UNC5C: variants seen among roughly 807,000 people sequenced by gnomAD.
UNC5C encodes netrin receptor UNC5C.
UNC5C carries 47 observed loss-of-function variants against 99.8 expected under a neutral mutation model. The observed-to-expected ratio is 0.47, with a 90% CI of 0.37 to 0.60. The LOEUF is 0.60. Ranked by LOEUF, UNC5C falls within the 20% of genes least tolerant of loss-of-function variation. The probability of loss-of-function intolerance (pLI) is 0.00; values close to 1 mark genes in which losing one functional copy is unlikely to be tolerated. For missense variants in UNC5C, 1,062 were observed against 1,165.9 expected (o/e 0.91, Z 1.30); for synonymous variants, 487 against 452.2 (o/e 1.08, Z -0.98).
chr4:95,443,170 G>T (rs1351049621), intron 1 of UNC5C, among the ~76,000 whole-genome samples: 2 of 152,142 alleles, frequency 1.3e-5, no homozygotes, highest in Non-Finnish European at 2.9e-5. Context: ...GGCTGGATAT[G>T]GCAAGCAGGT....
At chr4:95,388,453 T>G (rs1745269361) in intron 1 of UNC5C, among the ~76,000 whole-genome samples, 2 of 152,198 alleles carry the variant, frequency 1.3e-5, no homozygotes, top group Non-Finnish European at 2.9e-5. Flanking sequence ...GTAAAGATTT[T>G]GCACCCTAAT....
rs904960966 is a variant in UNC5C at position 95,248,302 on chromosome 4, A to G, written c.775+2185T>C. On this transcript the variant is annotated intron_variant, in intron 5 of 15. Coordinates refer to ENST00000453304, the MANE Select transcript of UNC5C (RefSeq NM_003728.4). ...TAAATTTACTTAATATAACTTTTAC[A>G]TGGCCTAAGAAAATGAAGACCCAAA... The G allele has an allele frequency of 1.1e-4, 29 of 260,400 alleles. No individual in the cohort carries two copies. The Admixed American group carries it at 1.5e-3, about 13-fold the overall frequency. The allele number at this position is 260,400 out of a possible 1,614,324, so 16.1% of individuals were successfully genotyped here. A position where few individuals can be genotyped will look rare whatever the true frequency, so the allele number is the denominator to read the frequency against.
intron 1 of UNC5C, among the ~76,000 whole-genome samples, chr4:95,387,184 G>T (rs1745236104): frequency 6.6e-6 from 1 of 151,774 alleles, no homozygotes; most frequent in South Asian, 2.1e-4. Context: ...TCTCACCCAG[G>T]CTGGAGTACA....
chr4:95,227,154 T>A (rs866044105), intron 7 of UNC5C, among the ~76,000 whole-genome samples: 73 of 135,776 alleles, frequency 5.4e-4, no homozygotes, highest in Non-Finnish European at 8.7e-4. Flanking sequence ...TTTTTTTTTT[T>A]AAATATTTAT....
chr4:95,420,800 T>C (rs1443089359), intron 1 of UNC5C, among the ~76,000 whole-genome samples: 4 of 152,092 alleles, frequency 2.6e-5, no homozygotes, highest in African/African-American at 4.8e-5. Context: ...ATATAAATAA[T>C]CCAGGTTACA....
At chr4:95,202,362 A>C (rs115731814) in intron 12 of UNC5C, among the ~76,000 whole-genome samples, 388 of 152,364 alleles carry the variant, frequency 2.5e-3, no homozygotes, top group African/African-American at 8.9e-3. Flanking sequence ...ATGAAGCAGC[A>C]CACCAGAGGA....
intron 10 of UNC5C, among the ~76,000 whole-genome samples, chr4:95,208,635 G>A (rs1287708616): frequency 6.6e-6 from 1 of 152,112 alleles, no homozygotes. Context: ...CAGGGCAAGG[G>A]CAGAGACCTT....
chr4:95,427,810 T>G (rs1746526331), intron 1 of UNC5C, among the ~76,000 whole-genome samples: 1 of 152,176 alleles, frequency 6.6e-6, no homozygotes, highest in Non-Finnish European at 1.5e-5. Flanking sequence ...GGTATGTTCG[T>G]ATTTGCTTCT....
intron 1 of UNC5C, among the ~76,000 whole-genome samples, chr4:95,360,565 A>G (rs929340712): frequency 2.6e-5 from 4 of 152,200 alleles, no homozygotes; most frequent in African/African-American, 9.6e-5. Context: ...GCCACCTTTC[A>G]CTGTTCCTTA....
chr4:95,207,133 A>G (rs547326433), intron 10 of UNC5C, among the ~76,000 whole-genome samples: 1 of 152,270 alleles, frequency 6.6e-6, no homozygotes, highest in Admixed American at 6.5e-5. Flanking sequence ...CAGAGTCCCT[A>G]TGAAGTTACA....
chr4:95,192,251 AC>A (rs1737158995), intron 12 of UNC5C, among the ~76,000 whole-genome samples: 2 of 84,004 alleles, frequency 2.4e-5, no homozygotes, highest in South Asian at 4.2e-4. Flanking sequence ...TCCCCTGTTC[AC>A]CCTCCTTTCC....
At chr4:95,246,454 A>G (rs1739505878) in intron 5 of UNC5C, among the ~76,000 whole-genome samples, 2 of 152,028 alleles carry the variant, frequency 1.3e-5, no homozygotes, top group Admixed American at 1.3e-4. Context: ...CCAGTTACTC[A>G]GGAGGCTGGG....
intron 1 of UNC5C, among the ~76,000 whole-genome samples, chr4:95,432,221 TCA>T (rs1382584710): frequency 6.6e-6 from 1 of 152,096 alleles, no homozygotes; most frequent in Non-Finnish European, 1.5e-5. Context: ...CAGCAATTTC[TCA>T]CAGACTCCGG....
At chr4:95,418,554 G>A (rs971178625) in intron 1 of UNC5C, among the ~76,000 whole-genome samples, 5 of 152,134 alleles carry the variant, frequency 3.3e-5, no homozygotes, top group East Asian at 1.9e-4. Flanking sequence ...CTGGGGTTGA[G>A]AAGTATAATA....
chr4:95,169,651 A>G, intron 15 of UNC5C, among the ~76,000 whole-genome samples: 1 of 152,162 alleles, frequency 6.6e-6, no homozygotes, highest in East Asian at 1.9e-4. Context: ...TCATATTCTA[A>G]ACAGGAAATC....
intron 3 of UNC5C, among the ~76,000 whole-genome samples, chr4:95,280,687 T>TCAA (rs58348747): frequency 0.022 from 3,279 of 150,986 alleles, 94 homozygotes; most frequent in African/African-American, 0.071. Flanking sequence ...AGACCCCATC[T>TCAA]CAACAACAAC....
chr4:95,548,313 A>T (rs1723130559), intron 1 of UNC5C, among the ~76,000 whole-genome samples: 1 of 151,840 alleles, frequency 6.6e-6, no homozygotes, highest in Non-Finnish European at 1.5e-5. Flanking sequence ...CAGCGCGGGG[A>T]GCCTCTGCGC....
At chr4:95,441,046 T>C (rs987592024) in intron 1 of UNC5C, among the ~76,000 whole-genome samples, 45 of 152,162 alleles carry the variant, frequency 3.0e-4, no homozygotes, top group Admixed American at 6.5e-4. Flanking sequence ...ACTGGACAGG[T>C]CATTGGAAAT....
At chr4:95,285,240 T>C (rs1467935944) in intron 3 of UNC5C, among the ~76,000 whole-genome samples, 3 of 152,176 alleles carry the variant, frequency 2.0e-5, no homozygotes, top group Non-Finnish European at 1.5e-5. Flanking sequence ...GAAAACAAAA[T>C]ATTGGTGATG....
Sources: allele counts gnomAD v4.1 joint callset (sites outside exome capture counted in the v4.1 genomes callset), GRCh38; gene constraint gnomAD v4.1.1; transcripts MANE v1.5; gene names NCBI Gene and HGNC (gene_info 2026-07-23, HGNC 2026-07-21).